The following ARHGEF4 variants were observed in gnomAD, a reference collection of about 807,000 sequenced individuals.
ARHGEF4 encodes the protein APC-stimulated guanine nucleotide exchange factor 1.
Under a neutral mutation model 162.0 loss-of-function variants are expected in ARHGEF4, and 119 were observed. The ratio of observed to expected loss-of-function variants is 0.73; its 90% CI spans 0.63 to 0.86. The LOEUF is 0.86. ARHGEF4 is among the 40% of genes least tolerant of loss of function. ARHGEF4 has a pLI of 0.00. For synonymous variants in ARHGEF4, 1,014 were observed against 979.9 expected (o/e 1.03, Z -0.65); for missense variants, 2,488 against 2,456.0 (o/e 1.01, Z -0.28).
chr2:130,901,951 T>C (rs1212273948), intron 1 of ARHGEF4, among the ~76,000 whole-genome samples: 3 of 152,080 alleles, frequency 2.0e-5, no homozygotes, highest in African/African-American at 7.2e-5. Context: ...CCACCAGAGT[T>C]ATTCATGCCA....
chr2:130,885,917 C>CT (rs1679494398), intron 1 of ARHGEF4, among the ~76,000 whole-genome samples: 1 of 151,914 alleles, frequency 6.6e-6, no homozygotes, highest in Non-Finnish European at 1.5e-5. Context: ...CTTCATGAGA[C>CT]ATGTAGAGTT....
At position 130,988,901 on chromosome 2, in the gene ARHGEF4, T is replaced by TAGAGAGAGAGAGAG. The variant is rs368452142; in HGVS notation, c.3986-39022_3986-39009dup. ...ATATATATATATATATATATATATA[T>TAGAGAGAGAGAGAG]AGAGAGAGAGAGAGAGAGAGAGAGA... is the stretch of plus-strand genomic sequence containing the variant. On this transcript the variant is annotated intron_variant, in intron 4 of 13. Transcript: ENST00000409359. Among the ~76,000 whole-genome samples, 16 of 113,382 alleles carry TAGAGAGAGAGAGAG rather than the reference T, an allele frequency of 1.4e-4. No individual in the cohort carries two copies. The East Asian group carries it at 2.0e-3, about 14-fold the overall frequency. The allele number at this position is 113,382 out of a possible 152,430, so 74.4% of individuals were successfully genotyped here.
intron 1 of ARHGEF4, among the ~76,000 whole-genome samples, chr2:130,846,487 C>T (rs145432594): frequency 1.3e-5 from 2 of 152,346 alleles, no homozygotes; most frequent in Non-Finnish European, 2.9e-5. Flanking sequence ...CGCCCTCACT[C>T]CAGGACCCTC....
intron 4 of ARHGEF4, among the ~76,000 whole-genome samples, chr2:130,985,957 TGTG>T (rs1406761838): frequency 1.3e-5 from 2 of 151,898 alleles, no homozygotes; most frequent in African/African-American, 4.8e-5. Flanking sequence ...GTTGTGTGTG[TGTG>T]GTGTGCACTG....
intron 3 of ARHGEF4, among the ~76,000 whole-genome samples, chr2:130,945,062 T>G (rs930431505): frequency 3.3e-5 from 5 of 152,142 alleles, no homozygotes; most frequent in African/African-American, 9.7e-5. Flanking sequence ...CTGAAATATG[T>G]TCTACCCCAT....
chr2:130,900,838 A>G (rs1441206365), intron 1 of ARHGEF4, among the ~76,000 whole-genome samples: 2 of 152,184 alleles, frequency 1.3e-5, no homozygotes, highest in East Asian at 3.9e-4. Context: ...CATTTGCCCT[A>G]TTTAGATTTA....
chr2:130,931,016 T>C lies in ARHGEF4; in HGVS notation c.3617T>C (p.Phe1206Ser). The change falls in exon 3 of 14, where the codon TTC becomes TCC. Residue 1206 changes from phenylalanine (F) to serine (S), a missense_variant. Around this residue, in one of 6 missense-constraint regions of ARHGEF4, gnomAD observed 1,642 missense variants for 1,481.5 expected, o/e 1.11. Transcript: ENST00000409359. ...KPSCSHSQKA[F>S]HMEPAQKPCF... ...AGTTGCTCTCACAGTCAGAAGGCGT[T>C]CCACATGGAGCCTGCCCAGAAGCCC... is the stretch of plus-strand genomic sequence containing the variant. The C allele has an allele frequency of 6.2e-7, 1 of 1,613,870 alleles. No homozygotes were observed. The highest frequency in any genetic ancestry group is 8.5e-7 in the Non-Finnish European group (1 of 1,179,824).
At chr2:130,855,018 C>A (rs568340630) in intron 1 of ARHGEF4, among the ~76,000 whole-genome samples, 1 of 151,534 alleles carries the variant, frequency 6.6e-6, no homozygotes, top group East Asian at 1.9e-4. Flanking sequence ...GGACAACAGG[C>A]GCCCGCGACC....
intron 4 of ARHGEF4, among the ~76,000 whole-genome samples, chr2:131,020,845 C>G (rs1573630764): frequency 6.6e-6 from 1 of 152,302 alleles, no homozygotes; most frequent in East Asian, 1.9e-4. Context: ...ACATCCTCTC[C>G]AGCACCTGTT....
chr2:130,965,579 G>T (rs6754156), intron 4 of ARHGEF4, among the ~76,000 whole-genome samples: 126,632 of 152,184 alleles, frequency 0.83, 53,604 homozygotes, highest in East Asian at 1. Flanking sequence ...CATACCCTAA[G>T]TGGGGCCTGA....
At chr2:131,009,975 G>GT (rs1207517724) in intron 4 of ARHGEF4, among the ~76,000 whole-genome samples, 3 of 152,066 alleles carry the variant, frequency 2.0e-5, no homozygotes, top group Admixed American at 6.5e-5. Context: ...GTTTTGTTTT[G>GT]TTTTTTCCGA....
intron 4 of ARHGEF4, among the ~76,000 whole-genome samples, chr2:130,999,986 G>A (rs890991894): frequency 3.9e-5 from 6 of 152,216 alleles, no homozygotes; most frequent in Admixed American, 2.6e-4. Context: ...TGGGATTACA[G>A]GCGTAAGCCA....
In ARHGEF4 at chr2:130,972,247, G is replaced by C. The variant is rs1032378795; in HGVS notation, c.3985+25612G>C. Among the ~76,000 whole-genome samples the C allele has an allele frequency of 4.1e-4, 62 of 152,254 alleles. 1 individual carries two copies. The highest frequency in any genetic ancestry group is 4.7e-4 in the Non-Finnish European group (32 of 68,026). The stretch of plus-strand genomic sequence containing the variant: ...TTCCAAATTCTGAGGGCTTGGGCAG[G>C]AGAAAAATATATCACTTACAAATGT... On this transcript the variant is annotated intron_variant, in intron 4 of 13. Coordinates refer to ENST00000409359, the MANE Select transcript of ARHGEF4 (RefSeq NM_001367493.1).
intron 4 of ARHGEF4, among the ~76,000 whole-genome samples, chr2:130,966,330 CTCT>C (rs1300893092): frequency 1.3e-5 from 2 of 152,314 alleles, no homozygotes; most frequent in South Asian, 2.1e-4. Context: ...AGACTCGCCT[CTCT>C]TCTTCTACAA....
intron 2 of ARHGEF4, among the ~76,000 whole-genome samples, chr2:130,927,426 C>T (rs1054148434): frequency 6.6e-6 from 1 of 152,202 alleles, no homozygotes; most frequent in Non-Finnish European, 1.5e-5. Context: ...TCTCTCACAC[C>T]ACTTGGCTCG....
intron 6 of ARHGEF4, chr2:131,039,246 G>A (rs745490894): frequency 4.0e-5 from 51 of 1,278,782 alleles, no homozygotes; most frequent in Non-Finnish European, 5.2e-5. Context: ...CCAGAGAGGA[G>A]AGCAGTCGAG....
chr2:130,994,525 T>A (rs970838704), intron 4 of ARHGEF4, among the ~76,000 whole-genome samples: 2 of 152,154 alleles, frequency 1.3e-5, no homozygotes, highest in African/African-American at 4.8e-5. Context: ...TTTCATAGAT[T>A]TAATTCTCTA....
At chr2:131,008,460 G>A (rs1035163164) in intron 4 of ARHGEF4, among the ~76,000 whole-genome samples, 1 of 152,140 alleles carries the variant, frequency 6.6e-6, no homozygotes, top group African/African-American at 2.4e-5. Context: ...TCCAGATCAA[G>A]AAATAGAACA....
chr2:130,867,242 A>AT (rs925137515), intron 1 of ARHGEF4, among the ~76,000 whole-genome samples: 40 of 142,406 alleles, frequency 2.8e-4, no homozygotes, highest in East Asian at 4.0e-4. Context: ...TATTATTATT[A>AT]TTTTTTTTTT....
Sources: gnomAD v4.1 joint callset for allele counts (sites outside exome capture counted in the v4.1 genomes callset) on GRCh38, gnomAD v4.1.1 for gene constraint, gnomAD v4.1.1 regional missense constraint, MANE v1.5 for transcripts, NCBI Gene and HGNC (gene_info 2026-07-23, HGNC 2026-07-21) for gene names.